DAB1: variants seen among roughly 807,000 people sequenced by gnomAD.
DAB1 encodes the protein disabled homolog 1.
A neutral mutation model predicts 64.6 loss-of-function variants in DAB1; 15 were observed. The observed-to-expected ratio is 0.23, with a 90% CI of 0.16 to 0.36. DAB1 has a LOEUF of 0.36. Among genes scored for constraint, DAB1 ranks in the 10% least tolerant of loss-of-function variants. The pLI, the probability that DAB1 is intolerant of heterozygous loss-of-function variation, is 1.00. For missense variants in DAB1, 596 were observed against 706.7 expected, an observed-to-expected ratio of 0.84 and a Z score of 1.78; for synonymous variants, 235 against 251.9, an observed-to-expected ratio of 0.93 and a Z score of 0.64.
chr1:58,387,731 T>C (rs1644445427), intron 3 of DAB1, among the ~76,000 whole-genome samples: 1 of 144,456 alleles, frequency 6.9e-6, no homozygotes. Context: ...TCTTTTTTTT[T>C]TTTTTTTTTT....
intron 3 of DAB1, among the ~76,000 whole-genome samples, chr1:58,484,254 A>C (rs1645537191): frequency 6.6e-6 from 1 of 152,170 alleles, no homozygotes; most frequent in Non-Finnish European, 1.5e-5. Flanking sequence ...GGCTTTTATA[A>C]ATTACCCTGC....
chr1:57,563,639 T>A (rs903916288), intron 7 of DAB1, among the ~76,000 whole-genome samples: 5 of 152,140 alleles, frequency 3.3e-5, no homozygotes, highest in African/African-American at 1.2e-4. Flanking sequence ...ACCAAGAGAT[T>A]ATATCCTGCA....
chr1:57,480,826 G>C (rs1644008711), intron 7 of DAB1, among the ~76,000 whole-genome samples: 1 of 152,000 alleles, frequency 6.6e-6, no homozygotes, highest in Non-Finnish European at 1.5e-5. Context: ...TACTAGATAG[G>C]CATCACAGTA....
At chr1:57,168,301 A>G (rs1026860631) in intron 2 of DAB1, among the ~76,000 whole-genome samples, 2 of 152,238 alleles carry the variant, frequency 1.3e-5, no homozygotes, top group African/African-American at 4.8e-5. Context: ...TAGTTATTGT[A>G]CATCTACTAG....
chr1:57,154,163 C>T (rs2100856307), intron 2 of DAB1, among the ~76,000 whole-genome samples: 1 of 152,190 alleles, frequency 6.6e-6, no homozygotes, highest in South Asian at 2.1e-4. Context: ...ATTTTTTGTA[C>T]CATTAGCCAT....
intron 7 of DAB1, among the ~76,000 whole-genome samples, chr1:57,513,853 C>T (rs539227157): frequency 2.0e-5 from 3 of 152,162 alleles, no homozygotes; most frequent in African/African-American, 7.2e-5. Flanking sequence ...CTCTTCCCAG[C>T]CCCTGTCCTG....
chr1:58,461,812 C>T (rs1645244782), intron 3 of DAB1, among the ~76,000 whole-genome samples: 2 of 152,156 alleles, frequency 1.3e-5, no homozygotes, highest in South Asian at 2.1e-4. Context: ...CTGATTTTCA[C>T]CCTGTCTCAG....
At chr1:57,353,788 C>T (rs1343019574) in intron 1 of DAB1, among the ~76,000 whole-genome samples, 1 of 152,128 alleles carries the variant, frequency 6.6e-6, no homozygotes, top group Non-Finnish European at 1.5e-5. Flanking sequence ...CAGATGAGGC[C>T]TGGGATGGAT....
At chr1:57,524,965 T>A (rs1273090747) in intron 7 of DAB1, among the ~76,000 whole-genome samples, 1 of 152,144 alleles carries the variant, frequency 6.6e-6, no homozygotes, top group African/African-American at 2.4e-5. Context: ...TGTAAAGCAA[T>A]ACTAAATGCT....
chr1:58,028,688 G>A (rs991696364), intron 5 of DAB1, among the ~76,000 whole-genome samples: 23 of 152,156 alleles, frequency 1.5e-4, no homozygotes, highest in Non-Finnish European at 2.8e-4. Context: ...TATGTCTGTC[G>A]ATGACCATAA....
intron 7 of DAB1, among the ~76,000 whole-genome samples, chr1:57,434,687 AC>A (rs1440965153): frequency 2.0e-5 from 3 of 152,220 alleles, no homozygotes; most frequent in Non-Finnish European, 2.9e-5. Context: ...TATATAGCCT[AC>A]TACACACCTA....
chr1:58,186,203 G>C (rs531247780), intron 4 of DAB1, among the ~76,000 whole-genome samples: 11 of 152,294 alleles, frequency 7.2e-5, no homozygotes, highest in African/African-American at 2.4e-4. Context: ...TCAAGCCTGA[G>C]TGCAGCAGAA....
At chr1:57,423,379 G>T (rs954648363) in intron 1 of DAB1, among the ~76,000 whole-genome samples, 3 of 152,076 alleles carry the variant, frequency 2.0e-5, no homozygotes, top group African/African-American at 7.2e-5. Flanking sequence ...CCGCGAAAGG[G>T]CTGGGATTAC....
intron 4 of DAB1, among the ~76,000 whole-genome samples, chr1:58,283,009 C>G (rs1488312050): frequency 6.6e-6 from 1 of 152,064 alleles, no homozygotes; most frequent in Non-Finnish European, 1.5e-5. Flanking sequence ...CCCCCCACCC[C>G]AATTGCCTTT....
intron 6 of DAB1, among the ~76,000 whole-genome samples, chr1:57,783,917 G>A (rs1368587044): frequency 6.6e-6 from 1 of 152,052 alleles, no homozygotes. Flanking sequence ...TTCTCTTCAG[G>A]CTTCTCCATT....
At chr1:57,092,257 C>T (rs575568718) in intron 4 of DAB1, among the ~76,000 whole-genome samples, 1 of 152,252 alleles carries the variant, frequency 6.6e-6, no homozygotes, top group African/African-American at 2.4e-5. Flanking sequence ...AGGTACAGTG[C>T]TGAAATAGAC....
chr1:57,102,474 A>G (rs767492010), intron 4 of DAB1, among the ~76,000 whole-genome samples: 1 of 152,198 alleles, frequency 6.6e-6, no homozygotes, highest in Non-Finnish European at 1.5e-5. Context: ...AGTGTTTGGA[A>G]TTGACTGACA....
At chr1:57,499,872 AGCT>A (rs1644271033) in intron 7 of DAB1, among the ~76,000 whole-genome samples, 1 of 152,166 alleles carries the variant, frequency 6.6e-6, no homozygotes, top group Non-Finnish European at 1.5e-5. Context: ...CTTGATTGTG[AGCT>A]GCTTTGAAGG....
At position 58,209,884 on chromosome 1, in the gene DAB1, T is replaced by G. The variant is rs569067517; in HGVS notation, n.310-59296A>C. Among the ~76,000 whole-genome samples, 10 of 152,218 alleles carry G rather than the reference T, an allele frequency of 6.6e-5. 1 individual carries two copies. The East Asian group carries it at 1.7e-3, about 26-fold the overall frequency. ...TTAGAAAATGAAAAAAAATACGTAG[T>G]ATAATGCAGGTGAATGTAAGGTGTG... On this transcript the variant is annotated intron_variant and non_coding_transcript_variant, in intron 4 of 20. Coordinates refer to the DAB1 transcript ENST00000485760.
Sources: gnomAD v4.1 joint callset for allele counts (sites outside exome capture counted in the v4.1 genomes callset) on GRCh38, gnomAD v4.1.1 for gene constraint, MANE v1.5 for transcripts, NCBI Gene and HGNC (gene_info 2026-07-23, HGNC 2026-07-21) for gene names.